TNC: variants seen among roughly 807,000 people sequenced by gnomAD.
TNC encodes tenascin.
A neutral mutation model predicts 202.4 loss-of-function variants in TNC; 109 were observed. The ratio of observed to expected loss-of-function variants is 0.54; its 90% CI spans 0.46 to 0.63. The LOEUF (loss-of-function observed/expected upper bound fraction) is 0.63. Ranked by LOEUF, TNC falls within the 30% of genes least tolerant of loss-of-function variation. The pLI is 0.00. For missense variants in TNC, 2,756 were observed against 2,833.3 expected, an observed-to-expected ratio of 0.97 and a Z score of 0.62; for synonymous variants, 1,007 against 1,089.7, an observed-to-expected ratio of 0.92 and a Z score of 1.50.
intron 1 of TNC, among the ~76,000 whole-genome samples, chr9:115,101,592 G>A (rs1436933627): frequency 1.3e-5 from 2 of 152,196 alleles, no homozygotes; most frequent in East Asian, 3.8e-4. Context: ...GGAACATGGT[G>A]CACTCTCCCA....
At position 115,081,808 on chromosome 9, in the gene TNC, T is replaced by C; in HGVS notation, c.2368A>G (p.Thr790Ala). ...ACCCTCTTCAGGCCAGGGCCCCGGG[T>C]ATTGTTTTTCACTATGTGCAGAGAT... ...EISLHIVKNNTRGPGLKRVTT... is the reference protein window; with the variant it reads ...EISLHIVKNNARGPGLKRVTT... Residue 790 changes from threonine to alanine, a missense_variant, in exon 6 of 28, where the codon ACC becomes GCC. Coordinates refer to ENST00000350763, the MANE Select transcript of TNC (RefSeq NM_002160.4). 2.5e-6 allele frequency: 4 copies of C among 1,613,532 alleles called. No homozygotes were observed. Among genetic ancestry groups the C allele is most frequent in the Non-Finnish European group, 3.4e-6 (4 of 1,179,870 alleles).
intron 6 of TNC, among the ~76,000 whole-genome samples, chr9:115,078,996 C>T (rs1834094924): frequency 6.6e-6 from 1 of 152,144 alleles, no homozygotes; most frequent in South Asian, 2.1e-4. Context: ...TTTTTTTAAC[C>T]CGGCTTCAGT....
In TNC at chr9:115,038,230, AGAGT is replaced by A; in HGVS notation, c.5512+27_5512+30del. 1.9e-6 allele frequency: 3 copies of A among 1,609,124 alleles called. No homozygotes were observed. The East Asian group carries it at 6.7e-5, about 36-fold the overall frequency. ...GTTTACAGCAGGAAAGACACTCCTT[AGAGT>A]GAGGAGAGACTTGGACAAAACCTTA... On this transcript the variant is annotated intron_variant, in intron 20 of 27. Coordinates refer to ENST00000350763, the MANE Select transcript of TNC (RefSeq NM_002160.4).
intron 5 of TNC, 41 bp from the exon 6 acceptor site, chr9:115,081,969 C>A: frequency 1.3e-6 from 2 of 1,541,192 alleles, no homozygotes; most frequent in South Asian, 1.2e-5. Context: ...AGGGGAGGTG[C>A]CAGTCTCTTA....
intron 1 of TNC, among the ~76,000 whole-genome samples, chr9:115,110,006 G>T (rs180781554): frequency 2.0e-5 from 3 of 152,142 alleles, no homozygotes; most frequent in Non-Finnish European, 4.4e-5. Flanking sequence ...GAACTATATT[G>T]TCAAGAGGGG....
At chr9:115,023,005 C>A (rs146393424) in intron 27 of TNC, among the ~76,000 whole-genome samples, 8 of 150,904 alleles carry the variant, frequency 5.3e-5, no homozygotes, top group South Asian at 4.2e-4. Context: ...CTGCCTCCCC[C>A]CTGACCCCAC....
At chr9:115,049,216 C>G (rs1434102945) in intron 15 of TNC, among the ~76,000 whole-genome samples, 1 of 152,156 alleles carries the variant, frequency 6.6e-6, no homozygotes, top group Non-Finnish European at 1.5e-5. Flanking sequence ...GTCACCATCT[C>G]TCCTTCATTC....
At chr9:115,024,431 G>C (rs1410244748) in intron 26 of TNC, among the ~76,000 whole-genome samples, 3 of 152,152 alleles carry the variant, frequency 2.0e-5, no homozygotes, top group African/African-American at 7.2e-5. Flanking sequence ...CACAAGTCAA[G>C]CATCTTGTTG....
chr9:115,026,775 A>G (rs1471341257), intron 25 of TNC, 80 bp from the exon 26 acceptor site: 9 of 1,403,578 alleles, frequency 6.4e-6, no homozygotes, highest in African/African-American at 2.9e-5. Context: ...AAAAGCGGCA[A>G]CTGGGTACAC....
Position 115,087,027 on chromosome 9 carries a change from A to T in TNC, c.704T>A (p.Val235Asp). Reference protein sequence around the residue: ...CNDQGKCVNGVCICFEGYAGA... With the variant: ...CNDQGKCVNGDCICFEGYAGA... ...GGCGTAGCCTTCGAAACAGATGCAG[A>T]CTCCATTTACGCACTTGCCCTGGTC... The change falls in exon 3 of 28, where the codon GTC becomes GAC. Residue 235 changes from valine (V) to aspartate (D), a missense_variant. By Grantham distance (152) the Val-to-Asp change is radical. Around this residue, in one of 2 missense-constraint regions of TNC, gnomAD observed 2,559 missense variants for 2,546.0 expected, o/e 1.01. Coordinates refer to ENST00000350763, the MANE Select transcript of TNC (RefSeq NM_002160.4). 6.2e-7 allele frequency: 1 copy of T among 1,612,832 alleles called. No homozygotes were observed. The highest frequency in any genetic ancestry group is 8.5e-7 in the Non-Finnish European group (1 of 1,179,362).
At position 115,078,127 on chromosome 9, in the gene TNC, G is replaced by A. The variant is rs145321605; in HGVS notation, c.2490C>T (p.Ile830=). Reference sequence around the variant, plus strand: ...TGCCGTAGGTCAGCTCAATGCCATCGATCTCAGCCAGGGGCTTGAACCAGG... The same window carrying A: ...TGCCGTAGGTCAGCTCAATGCCATCAATCTCAGCCAGGGGCTTGAACCAGG... The part of the protein sequence containing the change: ...LITWFKPLAE[I]DGIELTYGIK... The change falls in exon 7 of 28, where the codon ATC becomes ATT. Residue 830 remains isoleucine (I), a synonymous_variant. Coordinates refer to ENST00000350763, the MANE Select transcript of TNC (RefSeq NM_002160.4). 233 of 1,614,146 alleles carry A rather than the reference G, an allele frequency of 1.4e-4. No individual in the cohort carries two copies. In the African/African-American group the frequency reaches 2.8e-3, roughly 19 times the overall value.
In TNC at chr9:115,038,270, C is replaced by T. The variant is rs745574192; in HGVS notation, c.5503G>A (p.Gly1835Ser). The change falls in exon 20 of 28, where the codon GGC becomes AGC. Residue 1835 changes from glycine (G) to serine (S), a missense_variant. Gly to Ser is a moderately conservative substitution (Grantham distance 56). Coordinates refer to ENST00000350763, the MANE Select transcript of TNC (RefSeq NM_002160.4). ...TTGGACAAAACCTTACCTTTCTCGC[C>T]TGTGTAGGAGATGACATAACTGTCC... Reference protein sequence around the residue: ...TVDSYVISYTGEKVPEITRTV... With the variant: ...TVDSYVISYTSEKVPEITRTV... 1 of 1,613,814 alleles carries T rather than the reference C, an allele frequency of 6.2e-7. No individual in the cohort carries two copies. The highest frequency in any genetic ancestry group is 8.5e-7 in the Non-Finnish European group (1 of 1,179,750).
At chr9:115,101,939 T>A (rs1588216766) in intron 1 of TNC, among the ~76,000 whole-genome samples, 2 of 152,338 alleles carry the variant, frequency 1.3e-5, no homozygotes, top group South Asian at 2.1e-4. Context: ...GTTGACATCA[T>A]CATCATCACC....
At position 115,076,099 on chromosome 9, in the gene TNC, A is replaced by G. The variant is rs1232445462; in HGVS notation, c.2883T>C (p.Tyr961=). The G allele has an allele frequency of 1.9e-6, 3 of 1,614,148 alleles. No homozygotes were observed. Among genetic ancestry groups the G allele is most frequent in the Non-Finnish European group, 1.7e-6 (2 of 1,180,018 alleles). Residue 961 remains tyrosine, a synonymous_variant, in exon 9 of 28, where the codon TAT becomes TAC. Coordinates refer to ENST00000350763, the MANE Select transcript of TNC (RefSeq NM_002160.4). The part of the protein sequence containing the change: ...TLTGLRPGTE[Y]GIGVSAVKED... ...CCTTCACAGCAGAAACTCCAATCCCATATTCAGTTCCCGGCCTCAGACCTA... is the reference window on the plus strand; with the variant it reads ...CCTTCACAGCAGAAACTCCAATCCCGTATTCAGTTCCCGGCCTCAGACCTA...
chr9:115,106,745 A>G (rs1836647390), intron 1 of TNC, among the ~76,000 whole-genome samples: 1 of 152,200 alleles, frequency 6.6e-6, no homozygotes, highest in Non-Finnish European at 1.5e-5. Flanking sequence ...TACTATCTAA[A>G]AAACGTGTGG....
chr9:115,049,627 AGG>A (rs1342681662), intron 15 of TNC, among the ~76,000 whole-genome samples: 1 of 151,122 alleles, frequency 6.6e-6, no homozygotes, highest in East Asian at 1.9e-4. Context: ...TCTCTTTTCT[AGG>A]TGTTTTTTCT....
chr9:115,098,189 C>T (rs881496), intron 1 of TNC, among the ~76,000 whole-genome samples: 57,391 of 152,006 alleles, frequency 0.38, 12,212 homozygotes, highest in East Asian at 0.61. Flanking sequence ...AGTGTTGAAT[C>T]ATTTCTTCAG....
chr9:115,053,442 C>G (rs775654176), intron 15 of TNC, among the ~76,000 whole-genome samples: 1 of 152,078 alleles, frequency 6.6e-6, no homozygotes, highest in Non-Finnish European at 1.5e-5. Context: ...TGGTAAACAC[C>G]GAATATTATG....
At chr9:115,062,892 C>A (rs756659674) in intron 13 of TNC, 25 bp downstream of exon 13, 25 of 1,599,150 alleles carry the variant, frequency 1.6e-5, no homozygotes, top group Non-Finnish European at 1.7e-5. Flanking sequence ...TATCATGTCT[C>A]CAGTCTGGGA....
Sources: gnomAD v4.1 joint callset for allele counts (sites outside exome capture counted in the v4.1 genomes callset) on GRCh38, gnomAD v4.1.1 for gene constraint, gnomAD v4.1.1 regional missense constraint, MANE v1.5 for transcripts, NCBI Gene and HGNC (gene_info 2026-07-23, HGNC 2026-07-21) for gene names.